DIAPH3: variants seen among roughly 807,000 people sequenced by gnomAD.
DIAPH3 encodes diaphanous related formin 3, also known as protein diaphanous homolog 3.
Under a neutral mutation model 144.3 loss-of-function variants are expected in DIAPH3, and 117 were observed. The ratio of observed to expected loss-of-function variants is 0.81; its 90% CI spans 0.70 to 0.95. The LOEUF is 0.95. Among genes scored for constraint, DIAPH3 ranks in the 40% least tolerant of loss-of-function variants. The probability of loss-of-function intolerance (pLI) is 0.00; values close to 1 mark genes in which losing one functional copy is unlikely to be tolerated. For missense variants in DIAPH3, 1,421 were observed against 1,412.7 expected (o/e 1.01, Z -0.09); for synonymous variants, 519 against 488.9 (o/e 1.06, Z -0.81).
intron 20 of DIAPH3, among the ~76,000 whole-genome samples, chr13:59,894,485 T>G (rs2045980991): frequency 6.7e-6 from 1 of 149,596 alleles, no homozygotes; most frequent in Non-Finnish European, 1.5e-5. Context: ...AAGAATTCAG[T>G]AAGAAGTAGC....
chr13:59,673,980 G>C (rs149452718), intron 27 of DIAPH3, among the ~76,000 whole-genome samples: 1 of 152,280 alleles, frequency 6.6e-6, no homozygotes, highest in Non-Finnish European at 1.5e-5. Context: ...GCAAATTATT[G>C]AATTTGAGAG....
At chr13:59,761,333 G>A (rs987394896) in intron 27 of DIAPH3, among the ~76,000 whole-genome samples, 1 of 151,874 alleles carries the variant, frequency 6.6e-6, no homozygotes, top group Admixed American at 6.6e-5. Flanking sequence ...TTCAAAATGC[G>A]AATTTCATCC....
At chr13:60,155,327 T>C (rs572871272) in intron 1 of DIAPH3, among the ~76,000 whole-genome samples, 74 of 152,248 alleles carry the variant, frequency 4.9e-4, no homozygotes, top group African/African-American at 1.7e-3. Flanking sequence ...CCCACCCCTT[T>C]TTACCGTCAA....
At chr13:60,040,961 C>T (rs2055620389) in intron 5 of DIAPH3, among the ~76,000 whole-genome samples, 1 of 152,072 alleles carries the variant, frequency 6.6e-6, no homozygotes, top group South Asian at 2.1e-4. Flanking sequence ...TTACAGGCGT[C>T]TGCCACCATG....
intron 5 of DIAPH3, among the ~76,000 whole-genome samples, chr13:60,030,731 A>G (rs2054725739): frequency 6.6e-6 from 1 of 152,144 alleles, no homozygotes; most frequent in Non-Finnish European, 1.5e-5. Context: ...ATCTCTAAAG[A>G]TGTGTTGTCC....
intron 1 of DIAPH3, among the ~76,000 whole-genome samples, chr13:60,159,562 T>C (rs756174139): frequency 1.3e-5 from 2 of 151,352 alleles, no homozygotes; most frequent in Non-Finnish European, 2.9e-5. Context: ...AGGTAGAGGT[T>C]GCAGTGAGCC....
intron 4 of DIAPH3, among the ~76,000 whole-genome samples, chr13:60,062,786 G>T (rs2056822531): frequency 6.6e-6 from 1 of 152,158 alleles, no homozygotes; most frequent in Non-Finnish European, 1.5e-5. Flanking sequence ...TCTATCAAGT[G>T]AGCAACAGCA....
intron 22 of DIAPH3, among the ~76,000 whole-genome samples, chr13:59,856,495 C>T (rs983812898): frequency 1.3e-5 from 2 of 152,094 alleles, no homozygotes; most frequent in East Asian, 3.9e-4. Context: ...CAGGCCCCTC[C>T]CCATGGCTTG....
intron 23 of DIAPH3, among the ~76,000 whole-genome samples, chr13:59,836,056 C>T (rs1383301274): frequency 6.6e-6 from 1 of 151,700 alleles, no homozygotes; most frequent in Non-Finnish European, 1.5e-5. Flanking sequence ...TAACTTGTCA[C>T]ATAAGTTGTA....
intron 27 of DIAPH3, among the ~76,000 whole-genome samples, chr13:59,739,546 T>C (rs1275726798): frequency 6.6e-6 from 1 of 152,200 alleles, no homozygotes; most frequent in Non-Finnish European, 1.5e-5. Context: ...AGTATTACTC[T>C]GGAACAGGCA....
At chr13:60,089,665 C>T (rs1030556301) in intron 4 of DIAPH3, among the ~76,000 whole-genome samples, 2 of 152,228 alleles carry the variant, frequency 1.3e-5, no homozygotes, top group South Asian at 2.1e-4. Context: ...CTTCCAGCTA[C>T]GTGATCTAAC....
At position 59,861,387 on chromosome 13, in the gene DIAPH3, T is replaced by G; in HGVS notation, c.2737+20A>C. The G allele has an allele frequency of 6.2e-7, 1 of 1,613,620 alleles. No individual in the cohort carries two copies. Among genetic ancestry groups the G allele is most frequent in the Non-Finnish European group, 8.5e-7 (1 of 1,179,890 alleles). On this transcript the variant is annotated intron_variant, in intron 22 of 27. Transcript: ENST00000400324. ...CACTGAAGATCAGAGCCATGAAATGTTTCTTAAAAAGGCACAAACCTTTAC... is the reference window on the plus strand; with the variant it reads ...CACTGAAGATCAGAGCCATGAAATGGTTCTTAAAAAGGCACAAACCTTTAC...
At chr13:59,753,362 T>C (rs9538509) in intron 27 of DIAPH3, among the ~76,000 whole-genome samples, 52,292 of 152,042 alleles carry the variant, frequency 0.34, 9,448 homozygotes, top group African/African-American at 0.44. Context: ...AGACAAAATG[T>C]AGCTGGAAGA....
intron 25 of DIAPH3, among the ~76,000 whole-genome samples, chr13:59,786,954 A>AT (rs1393010940): frequency 1.3e-5 from 2 of 151,998 alleles, no homozygotes; most frequent in African/African-American, 4.8e-5. Context: ...TAAAAAAAAA[A>AT]TAGCCAGTAT....
chr13:60,068,179 A>C (rs1441616299), intron 4 of DIAPH3, among the ~76,000 whole-genome samples: 1 of 152,202 alleles, frequency 6.6e-6, no homozygotes, highest in Non-Finnish European at 1.5e-5. Flanking sequence ...ATCTTTGTGC[A>C]TATGTGCTCA....
chr13:60,041,764 A>G (rs55956123), intron 5 of DIAPH3, among the ~76,000 whole-genome samples: 10,980 of 152,136 alleles, frequency 0.072, 453 homozygotes, highest in Admixed American at 0.11. Flanking sequence ...TAAAAACCCA[A>G]AACTGATCTA....
intron 27 of DIAPH3, among the ~76,000 whole-genome samples, chr13:59,751,960 G>A (rs904649676): frequency 6.6e-6 from 1 of 152,176 alleles, no homozygotes. Context: ...TTCTTAATGA[G>A]CCAAGAAGCA....
In DIAPH3 at chr13:59,772,806, T is replaced by A. The variant is rs571180832; in HGVS notation, c.3319+1383A>T. On this transcript the variant is annotated intron_variant, in intron 27 of 27. Coordinates refer to ENST00000400324, the MANE Select transcript of DIAPH3 (RefSeq NM_001042517.2). Reference sequence around the variant, plus strand: ...TTAATGACTTAAAGTGGGGGCTGAGTTCATTATGCTGTTACTATTAATAAT... The same window carrying A: ...TTAATGACTTAAAGTGGGGGCTGAGATCATTATGCTGTTACTATTAATAAT... 1.9e-4 allele frequency among the ~76,000 whole-genome samples: 29 copies of A among 152,088 alleles called. No individual in the cohort carries two copies. In the South Asian group the frequency reaches 5.4e-3, roughly 28 times the overall value.
intron 27 of DIAPH3, among the ~76,000 whole-genome samples, chr13:59,766,631 C>A (rs925237843): frequency 2.6e-5 from 4 of 152,128 alleles, no homozygotes; most frequent in Non-Finnish European, 5.9e-5. Context: ...TAAGTCTTAG[C>A]CCCACACCTC....
Sources: gnomAD v4.1 joint callset for allele counts (sites outside exome capture counted in the v4.1 genomes callset) on GRCh38, gnomAD v4.1.1 for gene constraint, MANE v1.5 for transcripts, NCBI Gene and HGNC (gene_info 2026-07-23, HGNC 2026-07-21) for gene names.